ZMYND8: variants seen among roughly 807,000 people sequenced by gnomAD.
ZMYND8 encodes zinc finger MYND-type containing 8, also known as MYND-type zinc finger-containing chromatin reader ZMYND8.
A neutral mutation model predicts 140.8 loss-of-function variants in ZMYND8; 37 were observed. The observed-to-expected ratio is 0.26, with a 90% CI of 0.20 to 0.35. ZMYND8 has a LOEUF of 0.35. ZMYND8 is among the 10% of genes least tolerant of loss of function. The probability of loss-of-function intolerance (pLI) is 1.00; values close to 1 mark genes in which losing one functional copy is unlikely to be tolerated. For missense variants in ZMYND8, 1,068 were observed against 1,570.0 expected (o/e 0.68, Z 5.40); for synonymous variants, 592 against 597.1 (o/e 0.99, Z 0.12).
intron 1 of ZMYND8, among the ~76,000 whole-genome samples, chr20:47,355,066 C>G (rs1337677050): frequency 6.6e-6 from 1 of 152,120 alleles, no homozygotes; most frequent in Non-Finnish European, 1.5e-5. Flanking sequence ...CCACCAGCTT[C>G]TACACCACCA....
intron 14 of ZMYND8, among the ~76,000 whole-genome samples, chr20:47,241,553 G>A (rs1444630665): frequency 6.6e-6 from 1 of 152,132 alleles, no homozygotes; most frequent in Non-Finnish European, 1.5e-5. Context: ...AGTGAGGGCA[G>A]GCAGGGAGGA....
chr20:47,259,096 G>A (rs890225445), intron 12 of ZMYND8, among the ~76,000 whole-genome samples: 1 of 151,824 alleles, frequency 6.6e-6, no homozygotes, highest in African/African-American at 2.4e-5. Flanking sequence ...ACAGTGTCAC[G>A]AGGAAGCCCA....
At chr20:47,346,739 T>G (rs2082363660) in intron 2 of ZMYND8, among the ~76,000 whole-genome samples, 1 of 152,164 alleles carries the variant, frequency 6.6e-6, no homozygotes, top group Admixed American at 6.5e-5. Flanking sequence ...CCTAAGTAGC[T>G]AGGATTACAG....
chr20:47,340,971 G>C (rs191169662), intron 2 of ZMYND8, among the ~76,000 whole-genome samples: 1 of 152,138 alleles, frequency 6.6e-6, no homozygotes, highest in African/African-American at 2.4e-5. Context: ...GAGTGCGAAC[G>C]TGTGTTAAAG....
chr20:47,266,510 G>C (rs747843227), intron 11 of ZMYND8, among the ~76,000 whole-genome samples: 1 of 152,092 alleles, frequency 6.6e-6, no homozygotes, highest in African/African-American at 2.4e-5. Context: ...TGGAACTGCA[G>C]ACCTCAGGTG....
intron 21 of ZMYND8, among the ~76,000 whole-genome samples, chr20:47,213,527 G>A (rs2035599171): frequency 6.6e-6 from 1 of 152,144 alleles, no homozygotes; most frequent in Non-Finnish European, 1.5e-5. Flanking sequence ...AGACAAGAGT[G>A]AGGCTTAACT....
At chr20:47,262,039 C>G (rs997785536) in intron 12 of ZMYND8, among the ~76,000 whole-genome samples, 21 of 151,908 alleles carry the variant, frequency 1.4e-4, no homozygotes, top group African/African-American at 5.1e-4. Context: ...CCCTTGCACT[C>G]CAGCCTGGGC....
chr20:47,324,201 C>CAAAAA (rs60339000), intron 2 of ZMYND8, among the ~76,000 whole-genome samples: 1 of 66,676 alleles, frequency 1.5e-5, no homozygotes, highest in African/African-American at 4.7e-5. Context: ...GACTCTGTCT[C>CAAAAA]AAAAAAAAAA....
chr20:47,266,521 A>G (rs1033436702), intron 11 of ZMYND8, among the ~76,000 whole-genome samples: 1 of 152,112 alleles, frequency 6.6e-6, no homozygotes, highest in Non-Finnish European at 1.5e-5. Context: ...ACCTCAGGTG[A>G]TCTACCCACC....
At chr20:47,285,328 C>T (rs2076853493) in intron 8 of ZMYND8, among the ~76,000 whole-genome samples, 1 of 152,224 alleles carries the variant, frequency 6.6e-6, no homozygotes, top group Non-Finnish European at 1.5e-5. Context: ...TAACAGATTT[C>T]ACAGGTCAGC....
chr20:47,309,767 GAA>G (rs771877520), intron 3 of ZMYND8, among the ~76,000 whole-genome samples: 1 of 139,378 alleles, frequency 7.2e-6, no homozygotes, highest in African/African-American at 2.6e-5. Context: ...CTAAAAGCAT[GAA>G]AAAAAAAAAA....
At position 47,333,742 on chromosome 20, in the gene ZMYND8, A is replaced by AAAAC. The variant is rs1569220991; in HGVS notation, c.85+14113_85+14114insGTTT. ...TCCGTCTCAAAAAAAAAAAAAAAAA[A>AAAAC]AAAAAAAAAAAAAACATTAGCTGGG... On this transcript the variant is annotated intron_variant, in intron 2 of 22. Transcript: ENST00000471951. Among the ~76,000 whole-genome samples the AAAAC allele has an allele frequency of 5.3e-4, 76 of 142,130 alleles. 2 individuals are homozygous for AAAAC. Among genetic ancestry groups the AAAAC allele is most frequent in the African/African-American group, 2.2e-3 (75 of 34,506 alleles). 93.2% of individuals were successfully genotyped at this position (142,130 alleles called of 152,430 possible).
chr20:47,334,605 A>AAAAATATATAT (rs773739583), intron 2 of ZMYND8, among the ~76,000 whole-genome samples: 1 of 141,704 alleles, frequency 7.1e-6, no homozygotes. Context: ...GAAAAAAAAA[A>AAAAATATATAT]ATATATATAT....
intron 1 of ZMYND8, among the ~76,000 whole-genome samples, chr20:47,356,016 G>A (rs530588263): frequency 6.6e-6 from 1 of 152,068 alleles, no homozygotes; most frequent in African/African-American, 2.4e-5. Flanking sequence ...AGAGAAGACC[G>A]TGTACAGACA....
At chr20:47,281,797 A>G (rs2076621809) in intron 10 of ZMYND8, among the ~76,000 whole-genome samples, 1 of 150,950 alleles carries the variant, frequency 6.6e-6, no homozygotes, top group Non-Finnish European at 1.5e-5. Flanking sequence ...ACCCCCTCCC[A>G]AAAAATCAAA....
At chr20:47,344,132 C>G (rs1408527689) in intron 2 of ZMYND8, among the ~76,000 whole-genome samples, 1 of 151,760 alleles carries the variant, frequency 6.6e-6, no homozygotes, top group Non-Finnish European at 1.5e-5. Context: ...TGCCTGCCAC[C>G]ACACCCAGCT....
chr20:47,310,232 T>C, intron 2 of ZMYND8, 28 bp from the exon 3 acceptor site: 1 of 1,572,920 alleles, frequency 6.4e-7, no homozygotes, highest in Non-Finnish European at 8.6e-7. Flanking sequence ...CCACAGGTTT[T>C]AAAGCAGTCA....
At chr20:47,221,719 T>C (rs2146937666) in intron 19 of ZMYND8, among the ~76,000 whole-genome samples, 1 of 152,230 alleles carries the variant, frequency 6.6e-6, no homozygotes. Context: ...CAGGCTGGAG[T>C]GCAATGGCAC....
rs146163598 is a variant in ZMYND8 at position 47,300,487 on chromosome 20, T to G, written c.235-1540A>C. The stretch of plus-strand genomic sequence containing the variant: ...CGAATGGGGATTTACTAAACGGTTA[T>G]CATTGATAGACAGAAATGCTGTCAG... On this transcript the variant is annotated intron_variant, in intron 3 of 22. Coordinates refer to ENST00000471951, the MANE Select transcript of ZMYND8 (RefSeq NM_001281775.3). Among the ~76,000 whole-genome samples, 886 of 152,376 alleles carry G rather than the reference T, an allele frequency of 5.8e-3. 7 individuals are homozygous for G. Among genetic ancestry groups the G allele is most frequent in the South Asian group, 0.045 (219 of 4,828 alleles).
Sources: allele counts gnomAD v4.1 joint callset (sites outside exome capture counted in the v4.1 genomes callset), GRCh38; gene constraint gnomAD v4.1.1; transcripts MANE v1.5; gene names NCBI Gene and HGNC (gene_info 2026-07-23, HGNC 2026-07-21).